Variants in RCAN2 observed in about 807,000 individuals in gnomAD.
RCAN2 encodes regulator of calcineurin 2, also known as calcipressin-2.
RCAN2 carries 9 observed loss-of-function variants against 23.6 expected under a neutral mutation model. The observed-to-expected ratio is 0.38, with a 90% confidence interval of 0.23 to 0.67. The LOEUF is 0.67. Ranked by LOEUF, RCAN2 falls within the 30% of genes least tolerant of loss-of-function variation. The pLI is 0.51. For missense variants in RCAN2, 273 were observed against 302.3 expected (o/e 0.90, Z 0.72); for synonymous variants, 109 against 115.7 (o/e 0.94, Z 0.37).
intron 2 of RCAN2, among the ~76,000 whole-genome samples, chr6:46,407,979 A>ACAGCTTTGATC (rs1766448224): frequency 6.6e-6 from 1 of 152,234 alleles, no homozygotes; most frequent in Admixed American, 6.5e-5. Flanking sequence ...GTCCATCTGG[A>ACAGCTTTGATC]AAACAGCAGC....
chr6:46,371,061 T>C (rs1765307541), intron 2 of RCAN2, among the ~76,000 whole-genome samples: 1 of 152,334 alleles, frequency 6.6e-6, no homozygotes, highest in African/African-American at 2.4e-5. Flanking sequence ...CATTGTATAG[T>C]ATGTATGTAC....
In RCAN2 at chr6:46,451,946, G is replaced by A. The variant is rs1767895495; in HGVS notation, c.225+4806C>T. 2.0e-5 allele frequency among the ~76,000 whole-genome samples: 3 copies of A among 152,154 alleles called. No individual in the cohort carries two copies. The South Asian group carries it at 6.2e-4, about 32-fold the overall frequency. On this transcript the variant is annotated intron_variant, in intron 2 of 4. Transcript: ENST00000371374. ...GTGTGATGTGTGTATGTCTGTCTGT[G>A]TGTGTAAGGAAATGAATGTAGTTGA...
intron 2 of RCAN2, among the ~76,000 whole-genome samples, chr6:46,441,280 G>A (rs1489880706): frequency 1.3e-5 from 2 of 152,184 alleles, no homozygotes; most frequent in African/African-American, 4.8e-5. Flanking sequence ...ATATTTTTAA[G>A]TTGGCAAAGA....
At chr6:46,414,159 A>G (rs578033152) in intron 2 of RCAN2, among the ~76,000 whole-genome samples, 1 of 152,322 alleles carries the variant, frequency 6.6e-6, no homozygotes, top group East Asian at 1.9e-4. Flanking sequence ...GGACTTTAAA[A>G]ATTAATTTTC....
chr6:46,318,519 T>A (rs1174334509), intron 2 of RCAN2, among the ~76,000 whole-genome samples: 19 of 152,194 alleles, frequency 1.2e-4, no homozygotes, highest in Admixed American at 1.2e-3. Flanking sequence ...AATGAATTTC[T>A]TAGTCCCCTT....
chr6:46,376,238 T>G (rs1765456279), intron 2 of RCAN2, among the ~76,000 whole-genome samples: 1 of 152,252 alleles, frequency 6.6e-6, no homozygotes, highest in African/African-American at 2.4e-5. Flanking sequence ...ACTTCTGCTA[T>G]GTAATGCCTG....
chr6:46,227,677 C>A (rs998921962), intron 4 of RCAN2, among the ~76,000 whole-genome samples: 8 of 149,140 alleles, frequency 5.4e-5, no homozygotes, highest in African/African-American at 2.0e-4. Context: ...TCTCTCTTTT[C>A]TTCTTTATTA....
At chr6:46,310,256 G>A (rs1357751959) in intron 2 of RCAN2, among the ~76,000 whole-genome samples, 3 of 152,050 alleles carry the variant, frequency 2.0e-5, no homozygotes, top group African/African-American at 7.2e-5. Flanking sequence ...TAATTGTGTA[G>A]GAGGATCAAG....
At chr6:46,274,071 T>C (rs1330015018) in intron 2 of RCAN2, among the ~76,000 whole-genome samples, 1 of 152,220 alleles carries the variant, frequency 6.6e-6, no homozygotes, top group African/African-American at 2.4e-5. Context: ...ACTCTGATTA[T>C]TTTATCTTTT....
At chr6:46,491,008 C>A (rs1232248946) in intron 1 of RCAN2, among the ~76,000 whole-genome samples, 165 bp downstream of exon 1, 2 of 119,268 alleles carry the variant, frequency 1.7e-5, no homozygotes, top group Admixed American at 1.6e-4. Flanking sequence ...ACTGCCCCCA[C>A]CCCCGCCACC....
At chr6:46,329,332 T>C (rs535531481) in intron 2 of RCAN2, among the ~76,000 whole-genome samples, 29 of 152,306 alleles carry the variant, frequency 1.9e-4, no homozygotes, top group African/African-American at 7.0e-4. Flanking sequence ...TCCTGGCATC[T>C]TCATTTTAAC....
At chr6:46,321,129 C>T (rs1383187004) in intron 2 of RCAN2, among the ~76,000 whole-genome samples, 3 of 152,146 alleles carry the variant, frequency 2.0e-5, no homozygotes, top group Admixed American at 6.5e-5. Context: ...GACATTGAAA[C>T]AATGACATTT....
chr6:46,354,337 C>T (rs1024741583), intron 2 of RCAN2, among the ~76,000 whole-genome samples: 2 of 151,846 alleles, frequency 1.3e-5, no homozygotes, highest in African/African-American at 4.8e-5. Context: ...TTAGTAGAAT[C>T]ACCTGGGGAG....
At chr6:46,384,149 C>T (rs1280033670) in intron 2 of RCAN2, among the ~76,000 whole-genome samples, 1 of 152,214 alleles carries the variant, frequency 6.6e-6, no homozygotes, top group African/African-American at 2.4e-5. Context: ...GGAACAGCAC[C>T]TTTTCCCCAC....
intron 2 of RCAN2, among the ~76,000 whole-genome samples, chr6:46,406,112 G>A (rs1243279376): frequency 6.6e-6 from 1 of 152,188 alleles, no homozygotes; most frequent in African/African-American, 2.4e-5. Flanking sequence ...GCCCGCAAGC[G>A]CTGCGCGCAG....
At chr6:46,403,833 G>A (rs1391472936) in intron 2 of RCAN2, among the ~76,000 whole-genome samples, 7 of 152,212 alleles carry the variant, frequency 4.6e-5, no homozygotes, top group African/African-American at 1.7e-4. Context: ...TTGGATAATT[G>A]TAGAGTGTTC....
intron 2 of RCAN2, among the ~76,000 whole-genome samples, chr6:46,401,575 T>C (rs1459559023): frequency 6.6e-6 from 1 of 152,224 alleles, no homozygotes; most frequent in African/African-American, 2.4e-5. Context: ...TAATGGGGAC[T>C]GACCATGCTG....
At chr6:46,426,506 A>G (rs184371266) in intron 2 of RCAN2, among the ~76,000 whole-genome samples, 1 of 152,322 alleles carries the variant, frequency 6.6e-6, no homozygotes, top group East Asian at 1.9e-4. Context: ...ATTAATCTGC[A>G]TGGGAAAATA....
chr6:46,306,830 C>T (rs1176164829), intron 2 of RCAN2, among the ~76,000 whole-genome samples: 1 of 152,034 alleles, frequency 6.6e-6, no homozygotes, highest in Non-Finnish European at 1.5e-5. Context: ...ATCATAAGTC[C>T]CCTTGACCTG....
Sources: allele counts gnomAD v4.1 joint callset (sites outside exome capture counted in the v4.1 genomes callset), GRCh38; gene constraint gnomAD v4.1.1; transcripts MANE v1.5; gene names NCBI Gene and HGNC (gene_info 2026-07-23, HGNC 2026-07-21).